Variants in SGCD observed in about 807,000 individuals in gnomAD.
SGCD encodes the protein sarcoglycan delta, also known as delta-sarcoglycan.
A neutral mutation model predicts 36.6 loss-of-function variants in SGCD; 18 were observed. That is an observed-to-expected ratio of 0.49 (90% CI 0.34 to 0.73). The LOEUF (loss-of-function observed/expected upper bound fraction) is 0.73, where lower values mean the gene tolerates loss of function less well. Ranked by LOEUF, SGCD falls within the 30% of genes least tolerant of loss-of-function variation. SGCD has a pLI of 0.01. For missense variants in SGCD, 387 were observed against 346.7 expected, an observed-to-expected ratio of 1.12 and a Z score of -0.92; for synonymous variants, 133 against 130.6, an observed-to-expected ratio of 1.02 and a Z score of -0.12.
At chr5:156,647,405 G>T in intron 6 of SGCD, 59 bp from the exon 7 acceptor site, 1 of 1,139,200 alleles carries the variant, frequency 8.8e-7, no homozygotes, top group Non-Finnish European at 1.3e-6. Context: ...TGTGCTGATT[G>T]TGCCTACAGG....
At chr5:155,981,236 T>G (rs575789975) in intron 1 of SGCD, among the ~76,000 whole-genome samples, 18 of 152,248 alleles carry the variant, frequency 1.2e-4, no homozygotes, top group Non-Finnish European at 2.1e-4. Flanking sequence ...TCAATCTCAG[T>G]GGCGACCTGG....
At chr5:156,398,716 G>GCCTT in intron 3 of SGCD, among the ~76,000 whole-genome samples, 1 of 152,210 alleles carries the variant, frequency 6.6e-6, no homozygotes, top group Admixed American at 6.5e-5. Flanking sequence ...CCATAAAATT[G>GCCTT]CCTTACCTGT....
chr5:155,945,484 C>T (rs1307193882), intron 1 of SGCD, among the ~76,000 whole-genome samples: 2 of 152,144 alleles, frequency 1.3e-5, no homozygotes, highest in Admixed American at 1.3e-4. Flanking sequence ...AAACATCACA[C>T]CAACATGCAA....
At chr5:156,348,186 A>T (rs1769045103) in intron 3 of SGCD, among the ~76,000 whole-genome samples, 1 of 152,140 alleles carries the variant, frequency 6.6e-6, no homozygotes, top group African/African-American at 2.4e-5. Flanking sequence ...AAGAGAAAAA[A>T]ATCAATGAGA....
intron 3 of SGCD, among the ~76,000 whole-genome samples, chr5:156,258,734 C>A (rs1413468243): frequency 6.6e-6 from 1 of 152,040 alleles, no homozygotes; most frequent in Non-Finnish European, 1.5e-5. Context: ...CTCATCAATT[C>A]TTTGTTTTAT....
intron 6 of SGCD, among the ~76,000 whole-genome samples, chr5:156,645,533 TGCTCATA>T (rs1763194088): frequency 6.6e-6 from 1 of 152,180 alleles, no homozygotes; most frequent in South Asian, 2.1e-4. Context: ...CATTGATATT[TGCTCATA>T]GCTCATAAAA....
rs140178686 is a variant in SGCD, at chr5:155,940,735, T to C, written c.-282+70311T>C. Among the ~76,000 whole-genome samples, 1,053 of 151,924 alleles carry C rather than the reference T, an allele frequency of 6.9e-3. 10 individuals are homozygous for C. Among genetic ancestry groups the C allele is most frequent in the African/African-American group, 0.024 (1,004 of 41,420 alleles). On this transcript the variant is annotated intron_variant, in intron 1 of 9. Transcript: ENST00000517913. ...TGGCACATGCCTGTAATCCTAACTA[T>C]TCGGGAGGCTGAGGCAGGAGAATTG...
the SGCD span, among the ~76,000 whole-genome samples, chr5:155,854,288 A>G: frequency 6.6e-6 from 1 of 152,114 alleles, no homozygotes; most frequent in Admixed American, 6.6e-5. Flanking sequence ...ATGTCTCCAG[A>G]CTTTGCCAAA....
rs1367626038 is a variant in SGCD, at chr5:156,761,415, A to C, written c.*2025A>C. On this transcript the variant is annotated 3_prime_UTR_variant, in exon 9 of 9. Coordinates refer to ENST00000337851, the MANE Select transcript of SGCD (RefSeq NM_000337.6). Reference sequence around the variant, plus strand: ...GTTGGTTTGTAGCACTAAGGTCTAAAAAGGAAAACCATAAAAGACATCAGA... The same window carrying C: ...GTTGGTTTGTAGCACTAAGGTCTAACAAGGAAAACCATAAAAGACATCAGA... The C allele has an allele frequency of 6.6e-6, 1 of 152,224 alleles. No homozygotes were observed. The highest frequency in any genetic ancestry group is 1.9e-4 in the East Asian group (1 of 5,198). The allele number at this position is 152,224 out of a possible 1,614,324, so 9.4% of individuals were successfully genotyped here. A position where few individuals can be genotyped will look rare whatever the true frequency, so the allele number is the denominator to read the frequency against.
intron 7 of SGCD, among the ~76,000 whole-genome samples, chr5:156,754,715 T>C (rs1489536559): frequency 6.6e-6 from 1 of 152,200 alleles, no homozygotes; most frequent in Non-Finnish European, 1.5e-5. Flanking sequence ...CTTGTTTGTA[T>C]AATCAGGACT....
chr5:156,627,651 T>C (rs1413467186), intron 6 of SGCD, among the ~76,000 whole-genome samples: 2 of 152,190 alleles, frequency 1.3e-5, no homozygotes, highest in East Asian at 3.8e-4. Flanking sequence ...GTACAGGAAC[T>C]ATTCTTAGAA....
rs560143447 is a variant in SGCD at position 156,737,660 on chromosome 5, A to C, written c.576-19921A>C. Among the ~76,000 whole-genome samples the C allele has an allele frequency of 1.9e-4, 29 of 152,304 alleles. 1 individual carries two copies. In the South Asian group the frequency reaches 5.2e-3, roughly 27 times the overall value. On this transcript the variant is annotated intron_variant, in intron 7 of 8. Coordinates refer to ENST00000337851, the MANE Select transcript of SGCD (RefSeq NM_000337.6). ...TTGAGGATGTCTACTGAAGGCTAGC[A>C]TGGGGGATGAAGAGAGCACAGGGTG...
At chr5:156,414,209 C>T (rs1436484699) in intron 3 of SGCD, among the ~76,000 whole-genome samples, 1 of 152,136 alleles carries the variant, frequency 6.6e-6, no homozygotes, top group Non-Finnish European at 1.5e-5. Context: ...AAAGTGGTTC[C>T]ACAAACATTT....
intron 7 of SGCD, among the ~76,000 whole-genome samples, chr5:156,751,746 A>G: frequency 6.6e-6 from 1 of 152,240 alleles, no homozygotes; most frequent in South Asian, 2.1e-4. Flanking sequence ...AGACAATGGC[A>G]TCCCATTTCA....
At chr5:155,912,675 A>G (rs1756653685) in intron 1 of SGCD, among the ~76,000 whole-genome samples, 1 of 152,072 alleles carries the variant, frequency 6.6e-6, no homozygotes, top group Non-Finnish European at 1.5e-5. Context: ...TTTTATTTAC[A>G]TTAATTTTCT....
At chr5:155,741,292 G>A in the SGCD span, among the ~76,000 whole-genome samples, 7 of 152,122 alleles carry the variant, frequency 4.6e-5, no homozygotes, top group Admixed American at 4.6e-4. Context: ...GACCCTAAAA[G>A]GTGCCACAGT....
chr5:155,758,773 T>C, the SGCD span, among the ~76,000 whole-genome samples: 1 of 152,136 alleles, frequency 6.6e-6, no homozygotes, highest in African/African-American at 2.4e-5. Flanking sequence ...AAAAATTGTC[T>C]TCCACAAAAC....
At chr5:155,729,435 G>A in the SGCD span, among the ~76,000 whole-genome samples, 4 of 152,162 alleles carry the variant, frequency 2.6e-5, no homozygotes, top group Admixed American at 1.3e-4. Context: ...GAGAGAAAGA[G>A]ACAGAGAAAG....
the SGCD span, among the ~76,000 whole-genome samples, chr5:155,855,615 T>G: frequency 2.2e-4 from 34 of 152,330 alleles, no homozygotes; most frequent in African/African-American, 7.0e-4. Flanking sequence ...AACTTAAAAT[T>G]TTATATTTTT....
Sources: gnomAD v4.1 joint callset for allele counts (sites outside exome capture counted in the v4.1 genomes callset) on GRCh38, gnomAD v4.1.1 for gene constraint, MANE v1.5 for transcripts, NCBI Gene and HGNC (gene_info 2026-07-23, HGNC 2026-07-21) for gene names.